The following MCMDC2 variants were observed in gnomAD, a reference collection of about 807,000 sequenced individuals.
The protein encoded by MCMDC2 is minichromosome maintenance domain containing 2, also known as minichromosome maintenance domain-containing protein 2.
Under a neutral mutation model 75.8 loss-of-function variants are expected in MCMDC2, and 54 were observed. That is an observed-to-expected ratio of 0.71 (90% CI 0.57 to 0.89). The LOEUF is 0.89. MCMDC2 is among the 40% of genes least tolerant of loss of function. The probability of loss-of-function intolerance (pLI) is 0.00; values close to 1 mark genes in which losing one functional copy is unlikely to be tolerated. For synonymous variants in MCMDC2, 249 were observed against 274.6 expected, an observed-to-expected ratio of 0.91 and a Z score of 0.92; for missense variants, 656 against 780.4, an observed-to-expected ratio of 0.84 and a Z score of 1.90.
chr8:66,924,224 C>T (rs2130884884), downstream of MCMDC2, among the ~76,000 whole-genome samples: 1 of 151,934 alleles, frequency 6.6e-6, no homozygotes, highest in African/African-American at 2.4e-5. Context: ...AAGGATAAGC[C>T]ATGACATTCG....
rs780760032 is a variant in MCMDC2 at position 66,883,893 on chromosome 8, C to G, written c.972C>G (p.Leu324=). Residue 324 remains leucine, a synonymous_variant, in exon 9 of 15, where the codon CTC becomes CTG. Coordinates refer to ENST00000422365, the MANE Select transcript of MCMDC2 (RefSeq NM_173518.5). ...CTGGGACTTACAATTTGCTCAAGCT[C>G]TGTTTGTTGATGAGTCTAGTACAGA... The part of the protein sequence containing the change: ...TPPGTYNLLK[L]CLLMSLVQTT... 1.4e-5 allele frequency: 22 copies of G among 1,613,982 alleles called. No homozygotes were observed. The highest frequency in any genetic ancestry group is 1.9e-5 in the Non-Finnish European group (22 of 1,179,968).
chr8:66,909,711 G>T (rs1813032668), intron 14 of MCMDC2, among the ~76,000 whole-genome samples: 1 of 152,186 alleles, frequency 6.6e-6, no homozygotes, highest in South Asian at 2.1e-4. Context: ...GAACATTGAA[G>T]TTTGGAAATT....
intron 13 of MCMDC2, among the ~76,000 whole-genome samples, chr8:66,903,997 G>A (rs991183441): frequency 5.3e-5 from 8 of 152,052 alleles, no homozygotes; most frequent in African/African-American, 1.7e-4. Context: ...ATGAGAAAAT[G>A]GTAATGTGGC....
Position 66,921,264 on chromosome 8 carries a change from A to G in MCMDC2, c.*2095A>G, listed in dbSNP as rs1212556619. ...GGAGAATTAGAAGGGGGTGGGGTGCAGGACGAAAAATTAATGGGTGCAATG... is the reference window on the plus strand; with the variant it reads ...GGAGAATTAGAAGGGGGTGGGGTGCGGGACGAAAAATTAATGGGTGCAATG... On this transcript the variant is annotated 3_prime_UTR_variant, in exon 15 of 15. Coordinates refer to ENST00000422365, the MANE Select transcript of MCMDC2 (RefSeq NM_173518.5). 1 of 152,218 alleles carries G rather than the reference A, an allele frequency of 6.6e-6. No homozygotes were observed. The highest frequency in any genetic ancestry group is 2.4e-5 in the African/African-American group (1 of 41,456). The allele number at this position is 152,218 out of a possible 1,614,324, so 9.4% of individuals were successfully genotyped here. A position where few individuals can be genotyped will look rare whatever the true frequency, so the allele number is the denominator to read the frequency against.
rs374567014 is a variant in MCMDC2 at position 66,874,353 on chromosome 8, G to A, written c.122G>A (p.Arg41Gln). 1.5e-5 allele frequency: 24 copies of A among 1,612,496 alleles called. No homozygotes were observed. Among genetic ancestry groups the A allele is most frequent in the Non-Finnish European group, 1.9e-5 (23 of 1,179,612 alleles). ...NDSKQSYAVYRFKILINPSDV... is the reference protein window; with the variant it reads ...NDSKQSYAVYQFKILINPSDV... Reference sequence around the variant, plus strand: ...TCAAAACAAAGCTATGCTGTCTATCGATTCAAAATTTTAATAAATCCCTCT... The same window carrying A: ...TCAAAACAAAGCTATGCTGTCTATCAATTCAAAATTTTAATAAATCCCTCT... The change falls in exon 3 of 15, where the codon CGA becomes CAA. Residue 41 changes from arginine to glutamine, a missense_variant. Physicochemically the swap from Arg to Gln is conservative, Grantham distance 43. Coordinates refer to ENST00000422365, the MANE Select transcript of MCMDC2 (RefSeq NM_173518.5).
intron 10 of MCMDC2, among the ~76,000 whole-genome samples, chr8:66,893,909 C>G (rs913366175): frequency 3.1e-4 from 47 of 152,166 alleles, no homozygotes; most frequent in African/African-American, 1.1e-3. Flanking sequence ...TGTCCTCTCC[C>G]CACAAGAACT....
At chr8:66,872,694 A>T (rs1036852134) in intron 1 of MCMDC2, among the ~76,000 whole-genome samples, 2 of 152,114 alleles carry the variant, frequency 1.3e-5, no homozygotes, top group Non-Finnish European at 2.9e-5. Flanking sequence ...GCGGTGGCTC[A>T]CGCCTGTAAT....
Position 66,901,269 on chromosome 8 carries a change from G to T in MCMDC2, c.1690G>T (p.Gly564Cys). Residue 564 changes from glycine (G) to cysteine (C), a missense_variant, in exon 13 of 15, where the codon GGC becomes TGC. Transcript: ENST00000422365. ...CTTGGAAGCAGAAAGAATGACCCAT[G>T]GCTATTATCTAGCAAGTCGCAGAAT... ...FSLEAERMTH[G>C]YYLASRRIRT... 2 of 1,614,056 alleles carry T rather than the reference G, an allele frequency of 1.2e-6. No homozygotes were observed. Among genetic ancestry groups the T allele is most frequent in the South Asian group, 2.2e-5 (2 of 91,070 alleles).
At chr8:66,905,170 A>G (rs1812855686) in intron 13 of MCMDC2, 56 bp from the exon 14 acceptor site, 13 of 1,276,652 alleles carry the variant, frequency 1.0e-5, no homozygotes, top group Non-Finnish European at 1.3e-5. Context: ...CTGCCAAAAT[A>G]TATATTATTT....
At chr8:66,893,890 C>T (rs536891026) in intron 10 of MCMDC2, among the ~76,000 whole-genome samples, 10 of 152,258 alleles carry the variant, frequency 6.6e-5, no homozygotes, top group Admixed American at 4.6e-4. Context: ...GAAGTTGGCC[C>T]TGCTAGTATG....
intron 14 of MCMDC2, among the ~76,000 whole-genome samples, chr8:66,905,739 GCTCACAC>G (rs1812880162): frequency 1.3e-5 from 2 of 152,134 alleles, no homozygotes; most frequent in Admixed American, 1.3e-4. Flanking sequence ...GGGTGTGGTG[GCTCACAC>G]CTGTAATCCC....
intron 14 of MCMDC2, among the ~76,000 whole-genome samples, chr8:66,913,481 A>C (rs1010161109): frequency 6.6e-6 from 1 of 152,204 alleles, no homozygotes. Flanking sequence ...AGTGTGTTAT[A>C]TGTTCTCATA....
At chr8:66,884,358 ATAT>A (rs1036149738) in intron 9 of MCMDC2, 2 of 230,350 alleles carry the variant, frequency 8.7e-6, no homozygotes, top group Non-Finnish European at 1.7e-5. Context: ...TCCATCAATA[ATAT>A]TGACTCACTG....
At position 66,919,364 on chromosome 8, in the gene MCMDC2, A is replaced by C; in HGVS notation, c.*195A>C. The C allele has an allele frequency of 2.6e-6, 1 of 377,574 alleles. No individual in the cohort carries two copies. Among genetic ancestry groups the C allele is most frequent in the South Asian group, 7.7e-5 (1 of 13,056 alleles). The allele number at this position is 377,574 out of a possible 1,614,324, so 23.4% of individuals were successfully genotyped here. ...ATAAATACTAATCCAAACCTCTAAA[A>C]CCAACAGAATTTTAAAACTTAGAAC... On this transcript the variant is annotated 3_prime_UTR_variant, in exon 15 of 15. Transcript: ENST00000422365.
intron 10 of MCMDC2, among the ~76,000 whole-genome samples, chr8:66,892,967 A>C (rs1013526526): frequency 4.6e-5 from 7 of 152,176 alleles, no homozygotes; most frequent in African/African-American, 1.7e-4. Context: ...TTGATATGCT[A>C]TTATTTTTGT....
intron 8 of MCMDC2, among the ~76,000 whole-genome samples, chr8:66,881,454 C>T (rs1008143529): frequency 1.4e-4 from 21 of 152,068 alleles, no homozygotes; most frequent in Admixed American, 9.2e-4. Flanking sequence ...TGTGGGAGGC[C>T]GAGGCAGGCA....
intron 13 of MCMDC2, among the ~76,000 whole-genome samples, chr8:66,902,711 A>AAAAAT (rs1467425752): frequency 1.8e-3 from 121 of 67,912 alleles, no homozygotes; most frequent in Non-Finnish European, 2.3e-3. Flanking sequence ...AAAAAAAAAA[A>AAAAAT]ATATATATAT....
chr8:66,904,977 G>A (rs773153889), intron 13 of MCMDC2, among the ~76,000 whole-genome samples: 2 of 152,018 alleles, frequency 1.3e-5, no homozygotes, highest in South Asian at 2.1e-4. Context: ...ACAAAACTTC[G>A]GGAGGGGAGT....
rs766965014 is a variant in MCMDC2 at position 66,878,820 on chromosome 8, C to A, written c.610C>A (p.Gln204Lys). The A allele has an allele frequency of 6.0e-5, 95 of 1,594,672 alleles. No homozygotes were observed. The highest frequency in any genetic ancestry group is 7.8e-5 in the Non-Finnish European group (91 of 1,171,332). Residue 204 changes from glutamine to lysine, a missense_variant, in exon 7 of 15, where the codon CAA becomes AAA. Physicochemically the swap from Gln to Lys is moderately conservative, Grantham distance 53. Transcript: ENST00000422365. ...TTTTTGCTCTTTGCTTTAAGATAAA[C>A]AAATAGTTGAAATAATTGCCACAAA... ...DRKFRVLGDK[Q>K]IVEIIATKAL...
Sources: gnomAD v4.1 joint callset for allele counts (sites outside exome capture counted in the v4.1 genomes callset) on GRCh38, gnomAD v4.1.1 for gene constraint, MANE v1.5 for transcripts, NCBI Gene and HGNC (gene_info 2026-07-23, HGNC 2026-07-21) for gene names.